Variants in ZFHX3 observed in about 807,000 individuals in gnomAD.
The protein encoded by ZFHX3 is zinc finger homeobox protein 3.
A neutral mutation model predicts 279.1 loss-of-function variants in ZFHX3; 42 were observed. The observed-to-expected ratio is 0.15, with a 90% CI of 0.12 to 0.19. The LOEUF (loss-of-function observed/expected upper bound fraction) is 0.19, where lower values mean the gene tolerates loss of function less well. Ranked by LOEUF, ZFHX3 falls within the 10% of genes least tolerant of loss-of-function variation. The pLI is 1.00. For synonymous variants in ZFHX3, 2,293 were observed against 1,957.8 expected (o/e 1.17, Z -4.52); for missense variants, 4,981 against 4,754.0 (o/e 1.05, Z -1.40).
chr16:72,828,146 A>C (rs1261675318), intron 5 of ZFHX3, among the ~76,000 whole-genome samples: 1 of 152,234 alleles, frequency 6.6e-6, no homozygotes, highest in Non-Finnish European at 1.5e-5. Flanking sequence ...AACATGATTT[A>C]AGAACAGTCA....
At chr16:72,837,823 A>G (rs2037236868) in intron 4 of ZFHX3, among the ~76,000 whole-genome samples, 1 of 152,094 alleles carries the variant, frequency 6.6e-6, no homozygotes, top group African/African-American at 2.4e-5. Context: ...GCTGGTCTCA[A>G]ACTCCCCAGC....
chr16:73,128,285 A>C (rs1015224411), intron 7 of ZFHX3, among the ~76,000 whole-genome samples: 8 of 152,198 alleles, frequency 5.3e-5, no homozygotes, highest in Non-Finnish European at 1.0e-4. Context: ...ACAGCACATG[A>C]AAACAGCAAC....
chr16:73,106,238 G>A (rs1036931140), intron 7 of ZFHX3, among the ~76,000 whole-genome samples: 2 of 151,910 alleles, frequency 1.3e-5, no homozygotes, highest in Non-Finnish European at 2.9e-5. Flanking sequence ...CCCACTGCTG[G>A]GTCCTAGGTG....
At position 72,796,408 on chromosome 16, in the gene ZFHX3, T is replaced by C. The variant is rs949549887; in HGVS notation, c.6274A>G (p.Met2092Val). 2 of 1,612,370 alleles carry C rather than the reference T, an allele frequency of 1.2e-6. No individual in the cohort carries two copies. Among genetic ancestry groups the C allele is most frequent in the Non-Finnish European group, 1.7e-6 (2 of 1,179,982 alleles). Reference sequence around the variant, plus strand: ...AGCGGCGAGAAGATGGGCAGCTCCATCGGCATGGAGAGCTGGGTGAGCGGC... The same window carrying C: ...AGCGGCGAGAAGATGGGCAGCTCCACCGGCATGGAGAGCTGGGTGAGCGGC... ...SVPLTQLSMP[M>V]ELPIFSPLMM... The change falls in exon 9 of 10, where the codon ATG becomes GTG. Residue 2092 changes from methionine to valine, a missense_variant. By Grantham distance (21) the Met-to-Val change is conservative. Around this residue, in one of 7 missense-constraint regions of ZFHX3, gnomAD observed 1,751 missense variants for 1,770.0 expected, o/e 0.99. Coordinates refer to ENST00000268489, the MANE Select transcript of ZFHX3 (RefSeq NM_006885.4).
At chr16:72,816,360 G>A (rs1392951419) in intron 5 of ZFHX3, among the ~76,000 whole-genome samples, 2 of 152,162 alleles carry the variant, frequency 1.3e-5, no homozygotes, top group Non-Finnish European at 2.9e-5. Context: ...TTGGGCTCCT[G>A]GGATTTCAAA....
intron 9 of ZFHX3, 132 bp from the exon 10 acceptor site, chr16:72,788,980 T>C (rs991829614): frequency 7.4e-7 from 1 of 1,347,866 alleles, no homozygotes; most frequent in Non-Finnish European, 9.9e-7. Context: ...AAAACGAACA[T>C]TTCCAACAGA....
chr16:72,905,332 T>A (rs2039142366), intron 3 of ZFHX3, among the ~76,000 whole-genome samples: 1 of 152,108 alleles, frequency 6.6e-6, no homozygotes, highest in Admixed American at 6.5e-5. Context: ...TTTTAGTATG[T>A]GAATCACAAA....
chr16:73,704,293 T>C (rs1332025439), intron 1 of ZFHX3, among the ~76,000 whole-genome samples: 1 of 152,180 alleles, frequency 6.6e-6, no homozygotes, highest in East Asian at 1.9e-4. Flanking sequence ...TTAGAAGTCA[T>C]AGTTCCTGAA....
intron 1 of ZFHX3, among the ~76,000 whole-genome samples, chr16:72,971,301 G>A (rs532973099): frequency 1.3e-5 from 2 of 151,690 alleles, no homozygotes; most frequent in African/African-American, 4.8e-5. Flanking sequence ...TTAAATCTTT[G>A]TACACATATA....
chr16:73,027,865 C>T (rs567934822), intron 1 of ZFHX3, among the ~76,000 whole-genome samples: 1 of 152,312 alleles, frequency 6.6e-6, no homozygotes, highest in South Asian at 2.1e-4. Flanking sequence ...ATATACTGCC[C>T]CTCCTGTGCT....
rs76477906 is a variant in ZFHX3, at chr16:73,478,703, G to A, written c.-1546-22445C>T. On this transcript the variant is annotated intron_variant, in intron 2 of 17. Coordinates refer to the ZFHX3 transcript ENST00000641206. ...AGGTGCAAATATCTGATAGGGTGTC[G>A]TACAGGATGATTGCAAATCCCATCT... is the stretch of plus-strand genomic sequence containing the variant. Among the ~76,000 whole-genome samples, 190 of 152,208 alleles carry A rather than the reference G, an allele frequency of 1.2e-3. 1 individual carries two copies. The East Asian group carries it at 0.025, about 20-fold the overall frequency.
chr16:73,149,519 G>T (rs1443799910), intron 5 of ZFHX3, among the ~76,000 whole-genome samples: 2 of 152,058 alleles, frequency 1.3e-5, no homozygotes, highest in Non-Finnish European at 2.9e-5. Flanking sequence ...ATGAACCAAA[G>T]TCCATGCGCT....
chr16:73,006,022 A>C (rs1405149070), intron 1 of ZFHX3: 1 of 152,210 alleles, frequency 6.6e-6, no homozygotes, highest in Admixed American at 6.5e-5. Flanking sequence ...TCCTTAATTA[A>C]ATTTAAATGT....
At chr16:73,575,288 T>C (rs182158937) in intron 2 of ZFHX3, among the ~76,000 whole-genome samples, 13 of 152,316 alleles carry the variant, frequency 8.5e-5, no homozygotes, top group African/African-American at 3.1e-4. Flanking sequence ...TTCCCAAAAG[T>C]ATTTAAAAAC....
chr16:73,487,673 G>C, intron 2 of ZFHX3: 1 of 214,866 alleles, frequency 4.7e-6, no homozygotes, highest in South Asian at 6.0e-5. Flanking sequence ...CCAAAGTGAT[G>C]GAATTACAGG....
chr16:73,187,013 T>C (rs924790337), intron 5 of ZFHX3, among the ~76,000 whole-genome samples: 5 of 152,102 alleles, frequency 3.3e-5, no homozygotes, highest in African/African-American at 7.2e-5. Flanking sequence ...GCCAGAAAGG[T>C]TGACCCTTCC....
At chr16:73,684,828 G>C (rs1208768645) in intron 1 of ZFHX3, among the ~76,000 whole-genome samples, 1 of 151,552 alleles carries the variant, frequency 6.6e-6, no homozygotes, top group African/African-American at 2.4e-5. Context: ...AGCCTCCTGA[G>C]TAGCTGGGAT....
rs137894350 is a variant in ZFHX3 at position 73,295,706 on chromosome 16, G to C, written c.-1194+22534C>G. Among the ~76,000 whole-genome samples, 7 of 152,326 alleles carry C rather than the reference G, an allele frequency of 4.6e-5. No individual in the cohort carries two copies. In the East Asian group the frequency reaches 1.2e-3, roughly 25 times the overall value. ...GGGTCACCAGGAAAAAGAAGGGAGT[G>C]GGGGCCTGGGCTGGACAGGGGATGG... On this transcript the variant is annotated intron_variant, in intron 4 of 17. Coordinates refer to the ZFHX3 transcript ENST00000641206.
chr16:72,870,443 C>G (rs1193182744), intron 4 of ZFHX3, among the ~76,000 whole-genome samples: 2 of 148,138 alleles, frequency 1.4e-5, no homozygotes, highest in African/African-American at 5.0e-5. Flanking sequence ...GGCACGGTGG[C>G]TCACGCCTGT....
Sources: allele counts gnomAD v4.1 joint callset (sites outside exome capture counted in the v4.1 genomes callset), GRCh38; gene constraint gnomAD v4.1.1; regional missense constraint gnomAD v4.1.1; transcripts MANE v1.5; gene names NCBI Gene and HGNC (gene_info 2026-07-23, HGNC 2026-07-21).